The following RMND5A variants were observed in gnomAD, a reference collection of about 807,000 sequenced individuals.
RMND5A encodes the protein E3 ubiquitin-protein transferase RMND5A.
In RMND5A, 17 loss-of-function variants were observed where a neutral mutation model predicts 49.7. The ratio of observed to expected loss-of-function variants is 0.34; its 90% CI spans 0.23 to 0.51. The LOEUF is 0.51. Ranked by LOEUF, RMND5A falls within the 20% of genes least tolerant of loss-of-function variation. The pLI is 0.96. For missense variants in RMND5A, 255 were observed against 471.3 expected, an observed-to-expected ratio of 0.54 and a Z score of 4.25; for synonymous variants, 156 against 167.7, an observed-to-expected ratio of 0.93 and a Z score of 0.54.
At chr2:86,721,459 G>T (rs946223535) in intron 1 of RMND5A, among the ~76,000 whole-genome samples, 4 of 151,852 alleles carry the variant, frequency 2.6e-5, no homozygotes, top group Non-Finnish European at 5.9e-5. Flanking sequence ...CAACCCTTCT[G>T]TTCTCCCAGT....
intron 6 of RMND5A, among the ~76,000 whole-genome samples, chr2:86,767,097 C>G (rs1166137724): frequency 2.6e-5 from 4 of 152,072 alleles, no homozygotes; most frequent in Admixed American, 2.0e-4. Flanking sequence ...TGGAGTCTCC[C>G]TCTGTCCCCT....
At chr2:86,747,590 A>G (rs1300471986) in intron 2 of RMND5A, among the ~76,000 whole-genome samples, 2 of 152,216 alleles carry the variant, frequency 1.3e-5, no homozygotes, top group African/African-American at 4.8e-5. Flanking sequence ...TGGTTCATAC[A>G]CTAATTTTTC....
At chr2:86,759,683 C>T (rs1558724705) in intron 4 of RMND5A, among the ~76,000 whole-genome samples, 1 of 150,682 alleles carries the variant, frequency 6.6e-6, no homozygotes, top group Non-Finnish European at 1.5e-5. Context: ...ACCTGTAACC[C>T]CAGCTACTCG....
At chr2:86,744,138 A>G (rs908834182) in intron 2 of RMND5A, among the ~76,000 whole-genome samples, 1 of 152,026 alleles carries the variant, frequency 6.6e-6, no homozygotes, top group African/African-American at 2.4e-5. Flanking sequence ...TTTGGCATCT[A>G]CTTGGCCTCA....
At chr2:86,742,902 G>A (rs1193193598) in intron 2 of RMND5A, among the ~76,000 whole-genome samples, 1 of 151,700 alleles carries the variant, frequency 6.6e-6, no homozygotes, top group Non-Finnish European at 1.5e-5. Context: ...AGGGGGGATG[G>A]GCTCAGCAAC....
chr2:86,771,721 C>T lies in RMND5A; in HGVS notation c.1112+9C>T. 1 of 1,592,942 alleles carries T rather than the reference C, an allele frequency of 6.3e-7. No homozygotes were observed. Among genetic ancestry groups the T allele is most frequent in the Non-Finnish European group, 8.6e-7 (1 of 1,165,518 alleles). On this transcript the variant is annotated intron_variant, in intron 8 of 8. Coordinates refer to ENST00000283632, the MANE Select transcript of RMND5A (RefSeq NM_022780.4). ...ATGTTTAATGGTAGCAAGTAAGTGT[C>T]TGACTTTTAAAAAATGTTAGCAAAT...
Position 86,765,998 on chromosome 2 carries a change from C to T in RMND5A, c.828C>T (p.Leu276=). 2 of 1,613,930 alleles carry T rather than the reference C, an allele frequency of 1.2e-6. No individual in the cohort carries two copies. The highest frequency in any genetic ancestry group is 1.7e-6 in the Non-Finnish European group (2 of 1,179,922). ...GGGATGCTTGTGCCCTCCTGGGGCT[C>T]TCCGTGGAGTCCCCTCTCAGTGTCA... The part of the protein sequence containing the change: ...FTRDACALLG[L]SVESPLSVSF... The change falls in exon 6 of 9, where the codon CTC becomes CTT. Residue 276 remains leucine, a synonymous_variant. Coordinates refer to ENST00000283632, the MANE Select transcript of RMND5A (RefSeq NM_022780.4).
chr2:86,742,655 C>T (rs1274112401), intron 2 of RMND5A, among the ~76,000 whole-genome samples: 1 of 152,014 alleles, frequency 6.6e-6, no homozygotes, highest in Non-Finnish European at 1.5e-5. Flanking sequence ...ACAGTAACTA[C>T]TGGTGGTGTC....
intron 4 of RMND5A, among the ~76,000 whole-genome samples, chr2:86,756,450 T>G (rs540612976): frequency 6.6e-6 from 1 of 152,338 alleles, no homozygotes; most frequent in African/African-American, 2.4e-5. Context: ...TCATTTAACT[T>G]GGTATAACCC....
chr2:86,740,710 A>G (rs908543410), intron 1 of RMND5A, among the ~76,000 whole-genome samples: 2 of 150,712 alleles, frequency 1.3e-5, no homozygotes, highest in Non-Finnish European at 3.0e-5. Flanking sequence ...GATTCCTTTC[A>G]CAGTAAAATT....
Position 86,775,492 on chromosome 2 carries a change from T to G in RMND5A, c.*2081T>G, listed in dbSNP as rs762334373. ...GTAAATGTGTTTGATGACCAGACTC[T>G]TCATACAGTCGGCTTGGGCCACTTT... On this transcript the variant is annotated 3_prime_UTR_variant, in exon 9 of 9. Transcript: ENST00000283632. 11 of 152,136 alleles carry G rather than the reference T, an allele frequency of 7.2e-5. No homozygotes were observed. The highest frequency in any genetic ancestry group is 1.3e-4 in the Non-Finnish European group (9 of 68,024). The allele number at this position is 152,136 out of a possible 1,614,324, so 9.4% of individuals were successfully genotyped here. A position where few individuals can be genotyped will look rare whatever the true frequency, so the allele number is the denominator to read the frequency against.
chr2:86,724,038 C>T (rs919474025), intron 1 of RMND5A, among the ~76,000 whole-genome samples: 2 of 151,480 alleles, frequency 1.3e-5, no homozygotes, highest in Admixed American at 6.6e-5. Context: ...TGTGCTCTGC[C>T]ATTTAATCCA....
intron 7 of RMND5A, 94 bp downstream of exon 7, chr2:86,770,219 T>C (rs1672666223): frequency 1.1e-6 from 1 of 891,322 alleles, no homozygotes; most frequent in Non-Finnish European, 1.9e-6. Flanking sequence ...CCAGGAAACA[T>C]TGTAGCCATT....
At chr2:86,746,851 A>G (rs949661636) in intron 2 of RMND5A, among the ~76,000 whole-genome samples, 3 of 152,254 alleles carry the variant, frequency 2.0e-5, no homozygotes, top group African/African-American at 7.2e-5. Flanking sequence ...AAGCAATAAC[A>G]TAACAGTGTG....
At chr2:86,765,480 C>T in intron 5 of RMND5A, 2 of 364,212 alleles carry the variant, frequency 5.5e-6, no homozygotes, top group Non-Finnish European at 9.9e-6. Context: ...CTGTATGCTG[C>T]TGCTCTTGCC....
chr2:86,731,589 AT>A lies in RMND5A; in HGVS notation c.143-9335del, dbSNP rs1169996402. Among the ~76,000 whole-genome samples, 13 of 15,968 alleles carry A rather than the reference AT, an allele frequency of 8.1e-4. 5 individuals are homozygous for A. Among genetic ancestry groups the A allele is most frequent in the Non-Finnish European group, 5.7e-4 (6 of 10,482 alleles). The allele number at this position is 15,968 out of a possible 152,430, so 10.5% of individuals were successfully genotyped here. A position where few individuals can be genotyped will look rare whatever the true frequency, so the allele number is the denominator to read the frequency against. On this transcript the variant is annotated intron_variant, in intron 1 of 8. Coordinates refer to ENST00000283632, the MANE Select transcript of RMND5A (RefSeq NM_022780.4). Reference sequence around the variant, plus strand: ...CTTTTATAAGAGTGGTATATCATAGATTTCCCCCCCCACCAGCCTTCTTAGT... The same window carrying A: ...CTTTTATAAGAGTGGTATATCATAGATTCCCCCCCCACCAGCCTTCTTAGT...
intron 4 of RMND5A, among the ~76,000 whole-genome samples, chr2:86,762,757 C>G (rs1017312329): frequency 2.1e-5 from 3 of 140,230 alleles, no homozygotes; most frequent in Non-Finnish European, 4.6e-5. Context: ...ATCACACTTT[C>G]AAGCTGAGCA....
At chr2:86,720,982 C>G in intron 1 of RMND5A, 173 bp downstream of exon 1, 1 of 539,246 alleles carries the variant, frequency 1.9e-6, no homozygotes, top group Non-Finnish European at 3.1e-6. Context: ...TCCGATTTAC[C>G]TCGAACCTGC....
At chr2:86,771,322 A>G in intron 7 of RMND5A, 1 of 416,548 alleles carries the variant, frequency 2.4e-6, no homozygotes, top group Non-Finnish European at 4.3e-6. Flanking sequence ...TGATCAGGTC[A>G]TTGTTTGTCA....
Sources: gnomAD v4.1 joint callset for allele counts (sites outside exome capture counted in the v4.1 genomes callset) on GRCh38, gnomAD v4.1.1 for gene constraint, MANE v1.5 for transcripts, NCBI Gene and HGNC (gene_info 2026-07-23, HGNC 2026-07-21) for gene names.